The following HAT1 variants were observed in gnomAD, a reference collection of about 807,000 sequenced individuals.
HAT1 encodes histone acetyltransferase type B catalytic subunit.
HAT1 carries 20 observed loss-of-function variants against 56.6 expected under a neutral mutation model. That is an observed-to-expected ratio of 0.35 (90% CI 0.25 to 0.51). The LOEUF (loss-of-function observed/expected upper bound fraction) is 0.51. HAT1 is among the 20% of genes least tolerant of loss of function. The pLI, the probability that HAT1 is intolerant of heterozygous loss-of-function variation, is 0.95. For missense variants in HAT1, 408 were observed against 504.3 expected (o/e 0.81, Z 1.83); for synonymous variants, 146 against 165.5 (o/e 0.88, Z 0.91).
intron 4 of HAT1, among the ~76,000 whole-genome samples, chr2:171,964,401 C>T (rs1032501781): frequency 2.0e-5 from 3 of 152,076 alleles, no homozygotes; most frequent in African/African-American, 7.2e-5. Flanking sequence ...AAAACCTGGC[C>T]TCATTGTTCA....
intron 2 of HAT1, among the ~76,000 whole-genome samples, chr2:171,939,386 T>G (rs1686961696): frequency 6.6e-6 from 1 of 152,240 alleles, no homozygotes; most frequent in African/African-American, 2.4e-5. Flanking sequence ...AACACAATTG[T>G]TGTTCTCCCT....
chr2:171,971,197 C>CAAAA (rs1227304495), intron 8 of HAT1, among the ~76,000 whole-genome samples: 3 of 152,120 alleles, frequency 2.0e-5, no homozygotes, highest in African/African-American at 7.2e-5. Flanking sequence ...GACTCCGTCT[C>CAAAA]ACAAACAAAC....
chr2:171,977,172 C>CA lies in HAT1; in HGVS notation c.975+874dup, dbSNP rs566609806. Among the ~76,000 whole-genome samples the CA allele has an allele frequency of 2.4e-3, 275 of 113,638 alleles. 1 individual carries two copies. Among genetic ancestry groups the CA allele is most frequent in the African/African-American group, 5.7e-3 (171 of 29,870 alleles). The allele number at this position is 113,638 out of a possible 152,430, so 74.6% of individuals were successfully genotyped here. Reference sequence around the variant, plus strand: ...TGGGCGACCGAGCGAGACTCCATCTCAAAAAAAAAAGAAATTTGTGTAGGC... The same window carrying CA: ...TGGGCGACCGAGCGAGACTCCATCTCAAAAAAAAAAAGAAATTTGTGTAGGC... On this transcript the variant is annotated intron_variant, in intron 9 of 10. Transcript: ENST00000264108.
chr2:171,922,640 G>A (rs535095141), intron 1 of HAT1, 133 bp downstream of exon 1: 2 of 691,750 alleles, frequency 2.9e-6, no homozygotes, highest in East Asian at 3.1e-5. Flanking sequence ...GCTTGGGACC[G>A]GAAGCGCGGA....
chr2:171,928,034 C>A (rs151316801), intron 2 of HAT1, among the ~76,000 whole-genome samples: 2,842 of 152,156 alleles, frequency 0.019, 58 homozygotes, highest in Admixed American at 0.068. Context: ...TTACAGGCAC[C>A]CGTCACCACA....
intron 2 of HAT1, among the ~76,000 whole-genome samples, chr2:171,926,070 C>T (rs1268482061): frequency 6.6e-6 from 1 of 151,786 alleles, no homozygotes; most frequent in African/African-American, 2.4e-5. Flanking sequence ...TATTTTCTTT[C>T]CTTCCTTCTC....
At chr2:171,962,772 T>G (rs955568490) in intron 4 of HAT1, among the ~76,000 whole-genome samples, 1 of 152,200 alleles carries the variant, frequency 6.6e-6, no homozygotes, top group African/African-American at 2.4e-5. Context: ...CCTTTCTATA[T>G]TTCTGTATAA....
intron 8 of HAT1, among the ~76,000 whole-genome samples, chr2:171,975,002 C>T (rs1180229899): frequency 6.6e-6 from 1 of 151,866 alleles, no homozygotes; most frequent in Non-Finnish European, 1.5e-5. Context: ...TATCTACATT[C>T]ATGAGGGATA....
At position 171,983,055 on chromosome 2, in the gene HAT1, A is replaced by T. The variant is rs571300725; in HGVS notation, c.1093-130A>T. 5.4e-4 allele frequency: 293 copies of T among 538,318 alleles called. 1 individual carries two copies. Among genetic ancestry groups the T allele is most frequent in the African/African-American group, 5.2e-3 (269 of 51,714 alleles). The allele number at this position is 538,318 out of a possible 1,614,324, so 33.3% of individuals were successfully genotyped here. ...CTTAAAAAACAAAACAAAACAAAAA[A>T]AAAACATTGTGGGACAAGTTTGGGC... On this transcript the variant is annotated intron_variant, in intron 10 of 10. Coordinates refer to ENST00000264108, the MANE Select transcript of HAT1 (RefSeq NM_003642.4).
chr2:171,972,182 T>C (rs756745014), intron 8 of HAT1, among the ~76,000 whole-genome samples: 19 of 151,954 alleles, frequency 1.3e-4, no homozygotes, highest in Non-Finnish European at 2.6e-4. Flanking sequence ...ACATATGAAA[T>C]GCTATCTGCA....
intron 5 of HAT1, 105 bp from the exon 6 acceptor site, chr2:171,965,682 A>C (rs1453232443): frequency 1.7e-6 from 2 of 1,157,226 alleles, no homozygotes; most frequent in African/African-American, 3.1e-5. Flanking sequence ...TCACATCTTA[A>C]TCTGAGACTT....
intron 3 of HAT1, among the ~76,000 whole-genome samples, chr2:171,950,904 G>C (rs1687291461): frequency 1.3e-5 from 2 of 151,946 alleles, no homozygotes; most frequent in Admixed American, 1.3e-4. Flanking sequence ...GCGCCTCCTG[G>C]GTTCAAGTGA....
At chr2:171,943,667 AGTAG>A (rs1687085775) in intron 2 of HAT1, among the ~76,000 whole-genome samples, 1 of 150,406 alleles carries the variant, frequency 6.6e-6, no homozygotes, top group Non-Finnish European at 1.5e-5. Context: ...ATTATTTGAC[AGTAG>A]GTATCTAAAC....
rs555743890 is a variant in HAT1, at chr2:171,970,922, C to T, written c.823+3973C>T. 6.6e-5 allele frequency among the ~76,000 whole-genome samples: 10 copies of T among 150,836 alleles called. No homozygotes were observed. The South Asian group carries it at 1.9e-3, about 29-fold the overall frequency. On this transcript the variant is annotated intron_variant, in intron 8 of 10. Coordinates refer to ENST00000264108, the MANE Select transcript of HAT1 (RefSeq NM_003642.4). ...CTATTAGTACTTGAAAAAATGTGGC[C>T]GGGTGCCATGGCTCACGCCTGTAAT...
chr2:171,955,999 C>T (rs996927777), intron 4 of HAT1, among the ~76,000 whole-genome samples: 2 of 151,914 alleles, frequency 1.3e-5, no homozygotes, highest in African/African-American at 2.4e-5. Flanking sequence ...GAGCCGATAT[C>T]GCGCCACTGC....
intron 8 of HAT1, among the ~76,000 whole-genome samples, chr2:171,970,396 CTG>C (rs1339157072): frequency 6.6e-6 from 1 of 150,752 alleles, no homozygotes; most frequent in Non-Finnish European, 1.5e-5. Context: ...GAGTGAGACT[CTG>C]TCTCAAAAAA....
intron 4 of HAT1, among the ~76,000 whole-genome samples, chr2:171,955,970 G>A (rs534919493): frequency 2.6e-5 from 4 of 152,120 alleles, no homozygotes; most frequent in African/African-American, 7.2e-5. Flanking sequence ...ACCGGAACCC[G>A]GTAGGCGGAG....
intron 4 of HAT1, among the ~76,000 whole-genome samples, chr2:171,953,688 T>C (rs1457843710): frequency 6.9e-6 from 1 of 145,388 alleles, no homozygotes; most frequent in Admixed American, 7.1e-5. Context: ...ATCTGTTACA[T>C]GGTAGTTTTA....
chr2:171,947,424 T>A (rs192384270), intron 3 of HAT1, among the ~76,000 whole-genome samples: 273 of 152,034 alleles, frequency 1.8e-3, no homozygotes, highest in Middle Eastern at 6.8e-3. Context: ...TGGCTTTTTT[T>A]AAAAAATTTT....
Sources: allele counts gnomAD v4.1 joint callset (sites outside exome capture counted in the v4.1 genomes callset), GRCh38; gene constraint gnomAD v4.1.1; transcripts MANE v1.5; gene names NCBI Gene and HGNC (gene_info 2026-07-23, HGNC 2026-07-21).